Variants in ABCG2 observed in about 807,000 individuals in gnomAD.
The protein encoded by ABCG2 is ATP binding cassette subfamily G member 2 (JR blood group).
In ABCG2, 80 loss-of-function variants were observed where a neutral mutation model predicts 73.5. The ratio of observed to expected loss-of-function variants is 1.09; its 90% CI spans 0.91 to 1.31. ABCG2 has a LOEUF of 1.31. ABCG2 is among the 50% of genes most tolerant of loss of function. ABCG2 has a pLI of 0.00. For synonymous variants in ABCG2, 269 were observed against 282.4 expected (o/e 0.95, Z 0.48); for missense variants, 796 against 786.2 (o/e 1.01, Z -0.15).
At chr4:88,135,819 G>T (rs190362375) in intron 2 of ABCG2, among the ~76,000 whole-genome samples, 1 of 152,144 alleles carries the variant, frequency 6.6e-6, no homozygotes, top group Non-Finnish European at 1.5e-5. Context: ...TTTAAAAAAC[G>T]TTGAGAAGAG....
intron 11 of ABCG2, among the ~76,000 whole-genome samples, chr4:88,100,961 G>A (rs985923160): frequency 6.6e-6 from 1 of 152,112 alleles, no homozygotes; most frequent in African/African-American, 2.4e-5. Flanking sequence ...TCTTTTCTCT[G>A]GATATCAGGT....
chr4:88,094,849 T>C (rs1721879871), intron 14 of ABCG2, among the ~76,000 whole-genome samples, 190 bp from the exon 15 acceptor site: 1 of 152,228 alleles, frequency 6.6e-6, no homozygotes, highest in Non-Finnish European at 1.5e-5. Context: ...GGTTGGGATT[T>C]TGGCTTCCAA....
Position 88,113,330 on chromosome 4 carries a change from C to G in ABCG2, c.1167G>C (p.Leu389=), listed in dbSNP as rs762221355. The change falls in exon 9 of 16, where the codon CTG becomes CTC. Residue 389 remains leucine (L), a synonymous_variant. Transcript: ENST00000237612. ...WVSKRSFKNL[L]GNPQASIAQI... is the part of the protein sequence containing the mutation. The stretch of plus-strand genomic sequence containing the variant: ...GAGCTATAGAGGCCTGGGGATTACC[C>G]AGCAAGTTTTTGAATGAACGCTTGG... 5.0e-6 allele frequency: 8 copies of G among 1,614,156 alleles called. No homozygotes were observed. Among genetic ancestry groups the G allele is most frequent in the Middle Eastern group, 1.6e-4 (1 of 6,062 alleles).
chr4:88,171,184 T>A (rs536330660), intron 1 of ABCG2, among the ~76,000 whole-genome samples: 4 of 151,678 alleles, frequency 2.6e-5, no homozygotes, highest in Non-Finnish European at 5.9e-5. Context: ...AATACCTGGT[T>A]GATGAAATCA....
At chr4:88,125,859 A>C (rs1392907305) in intron 5 of ABCG2, among the ~76,000 whole-genome samples, 1 of 152,124 alleles carries the variant, frequency 6.6e-6, no homozygotes, top group Non-Finnish European at 1.5e-5. Context: ...CCCTAACATC[A>C]CAATTAAAAG....
intron 1 of ABCG2, among the ~76,000 whole-genome samples, chr4:88,170,545 A>C (rs1727718155): frequency 6.6e-6 from 1 of 152,212 alleles, no homozygotes; most frequent in Non-Finnish European, 1.5e-5. Context: ...ATGGAACAAT[A>C]ATTCAAGATA....
intron 10 of ABCG2, among the ~76,000 whole-genome samples, chr4:88,104,743 G>A (rs1722662318): frequency 6.6e-6 from 1 of 151,874 alleles, no homozygotes; most frequent in Admixed American, 6.6e-5. Flanking sequence ...AGCTATGACT[G>A]CACTACTGCA....
chr4:88,139,396 G>A (rs922846276), intron 2 of ABCG2, among the ~76,000 whole-genome samples: 1 of 152,010 alleles, frequency 6.6e-6, no homozygotes, highest in Non-Finnish European at 1.5e-5. Flanking sequence ...TGGGATCACA[G>A]GTACACACCA....
chr4:88,099,466 G>A lies in ABCG2; in HGVS notation c.1368-18C>T, dbSNP rs200693229. 1.0e-4 allele frequency: 158 copies of A among 1,585,472 alleles called. No individual in the cohort carries two copies. Among genetic ancestry groups the A allele is most frequent in the Non-Finnish European group, 1.2e-4 (141 of 1,168,486 alleles). ...ATTCATGTCTATAGAACAAAAATAC[G>A]TATCATACATCCAAGATTAGTTTAA... On this transcript the variant is annotated intron_variant, in intron 11 of 15. Coordinates refer to ENST00000237612, the MANE Select transcript of ABCG2 (RefSeq NM_004827.3).
intron 10 of ABCG2, among the ~76,000 whole-genome samples, chr4:88,104,138 T>C (rs1329674081): frequency 6.6e-6 from 1 of 152,226 alleles, no homozygotes; most frequent in East Asian, 1.9e-4. Flanking sequence ...TTTGTTTAGC[T>C]ATCACCACAA....
chr4:88,095,756 A>T, intron 13 of ABCG2, 147 bp from the exon 14 acceptor site: 1 of 641,240 alleles, frequency 1.6e-6, no homozygotes, highest in Middle Eastern at 4.2e-4. Flanking sequence ...TACTCAAGAC[A>T]CTCACTAAAC....
At chr4:88,203,627 G>A (rs902833767) in intron 1 of ABCG2, among the ~76,000 whole-genome samples, 9 of 151,992 alleles carry the variant, frequency 5.9e-5, no homozygotes, top group African/African-American at 7.2e-5. Context: ...GGTGGTGGGC[G>A]CCTGTAATCC....
chr4:88,199,987 C>T (rs866308722), intron 1 of ABCG2, among the ~76,000 whole-genome samples: 2 of 151,822 alleles, frequency 1.3e-5, no homozygotes, highest in Admixed American at 6.6e-5. Flanking sequence ...GGCGACAGAG[C>T]GAGACTCCGT....
At chr4:88,117,399 G>A (rs1266600845) in intron 7 of ABCG2, among the ~76,000 whole-genome samples, 10 of 151,784 alleles carry the variant, frequency 6.6e-5, no homozygotes, top group African/African-American at 1.9e-4. Flanking sequence ...TTGGGAGGCC[G>A]AGGTGGCAGA....
chr4:88,106,758 G>T (rs1444811902), intron 10 of ABCG2, among the ~76,000 whole-genome samples: 2 of 152,136 alleles, frequency 1.3e-5, no homozygotes, highest in Admixed American at 6.5e-5. Context: ...AAAAATAATT[G>T]GGCCAGGTGG....
chr4:88,191,923 G>A (rs1406425652), intron 1 of ABCG2, among the ~76,000 whole-genome samples: 1 of 151,988 alleles, frequency 6.6e-6, no homozygotes. Context: ...AGTTGTCTGG[G>A]GCTTTGGGAG....
intron 1 of ABCG2, among the ~76,000 whole-genome samples, chr4:88,185,428 T>C (rs1195360398): frequency 3.3e-5 from 5 of 152,168 alleles, no homozygotes. Flanking sequence ...CTCCAGGATA[T>C]GGAACTGGAC....
chr4:88,165,330 G>A (rs771119675), intron 1 of ABCG2, among the ~76,000 whole-genome samples: 5 of 152,210 alleles, frequency 3.3e-5, no homozygotes, highest in Non-Finnish European at 7.3e-5. Flanking sequence ...AATGGGTCTA[G>A]TGGTCTAAAA....
Position 88,113,556 on chromosome 4 carries a change from T to C in ABCG2, c.944-3A>G, listed in dbSNP as rs1226371610. 1.1e-5 allele frequency: 18 copies of C among 1,607,368 alleles called. No homozygotes were observed. Among genetic ancestry groups the C allele is most frequent in the Non-Finnish European group, 1.5e-5 (18 of 1,176,392 alleles). On this transcript the variant is annotated splice_polypyrimidine_tract_variant and splice_region_variant and intron_variant, in intron 8 of 15. Coordinates refer to ENST00000237612, the MANE Select transcript of ABCG2 (RefSeq NM_004827.3). ...GGAAGGCTCTATGATCTCTGTGGCT[T>C]TGCAATCAGTGGATAAAAAGGAAAC...
Sources: allele counts gnomAD v4.1 joint callset (sites outside exome capture counted in the v4.1 genomes callset), GRCh38; gene constraint gnomAD v4.1.1; transcripts MANE v1.5; gene names NCBI Gene and HGNC (gene_info 2026-07-23, HGNC 2026-07-21).